Variants in VWA3B observed in about 807,000 individuals in gnomAD.
The protein encoded by VWA3B is von Willebrand factor A domain containing 3B, also known as von Willebrand factor A domain-containing protein 3B.
A neutral mutation model predicts 158.3 loss-of-function variants in VWA3B; 138 were observed. The observed-to-expected ratio is 0.87, with a 90% CI of 0.76 to 1.00. The LOEUF is 1.00. Among genes scored for constraint, VWA3B ranks in the 50% least tolerant of loss-of-function variants. VWA3B has a pLI of 0.00. For missense variants in VWA3B, 1,555 were observed against 1,565.1 expected (o/e 0.99, Z 0.11); for synonymous variants, 596 against 587.3 (o/e 1.01, Z -0.21).
intron 8 of VWA3B, among the ~76,000 whole-genome samples, chr2:98,172,829 G>A (rs144582713): frequency 9.8e-5 from 15 of 152,296 alleles, no homozygotes; most frequent in African/African-American, 7.2e-5. Flanking sequence ...TTGAGAGCCC[G>A]GTAGAGAAAT....
intron 8 of VWA3B, among the ~76,000 whole-genome samples, chr2:98,175,740 A>C (rs1323211242): frequency 6.6e-6 from 1 of 152,190 alleles, no homozygotes; most frequent in African/African-American, 2.4e-5. Flanking sequence ...ATGTAGGATA[A>C]AAGACACCCA....
rs773136778 is a variant in VWA3B, at chr2:98,256,146, C to T, written c.2815C>T (p.Arg939Ter). The T allele has an allele frequency of 9.3e-6, 15 of 1,612,104 alleles. No homozygotes were observed. Among genetic ancestry groups the T allele is most frequent in the African/African-American group, 6.7e-5 (5 of 74,304 alleles). Residue 939 changes from arginine (R) to a stop codon, truncating the protein, a stop_gained, in exon 21 of 28, where the codon CGA becomes TGA. Coordinates refer to ENST00000477737, the MANE Select transcript of VWA3B (RefSeq NM_144992.5). LOFTEE classifies it high-confidence loss of function. ...YEKRLNKIVWRALSQEEKEKL... is the reference protein window; with the variant it reads ...YEKRLNKIVW ...CAGGCGCTTGAATAAAATTGTTTGG[C>T]GAGCATTATCTCAAGAGGAAAAAGA... is the stretch of plus-strand genomic sequence containing the variant.
chr2:98,135,497 G>A (rs536279583), intron 7 of VWA3B, among the ~76,000 whole-genome samples: 6 of 150,128 alleles, frequency 4.0e-5, no homozygotes, highest in Admixed American at 6.6e-5. Flanking sequence ...CACTACGCCC[G>A]GCTAATTTTT....
chr2:98,209,269 GT>G (rs930515874), intron 12 of VWA3B, among the ~76,000 whole-genome samples: 21 of 151,792 alleles, frequency 1.4e-4, no homozygotes, highest in African/African-American at 9.7e-5. Context: ...AACCAAATTT[GT>G]TTTTTTGTTT....
intron 5 of VWA3B, among the ~76,000 whole-genome samples, chr2:98,124,177 CT>C (rs1056116119): frequency 2.0e-5 from 3 of 152,156 alleles, no homozygotes; most frequent in Non-Finnish European, 4.4e-5. Flanking sequence ...CAGATCTTTT[CT>C]TTTTTGTGTC....
intron 20 of VWA3B, among the ~76,000 whole-genome samples, chr2:98,250,980 G>A (rs1323812132): frequency 6.6e-6 from 1 of 152,044 alleles, no homozygotes; most frequent in Non-Finnish European, 1.5e-5. Flanking sequence ...CGTGCCTGTA[G>A]TCCCAGCTAC....
chr2:98,100,254 T>A (rs1166446746), intron 2 of VWA3B, among the ~76,000 whole-genome samples: 3 of 152,220 alleles, frequency 2.0e-5, no homozygotes, highest in African/African-American at 7.2e-5. Context: ...TCTGGGCAAG[T>A]CTTCTGGTGT....
chr2:98,166,512 C>A (rs771807029), intron 8 of VWA3B, among the ~76,000 whole-genome samples: 1 of 152,080 alleles, frequency 6.6e-6, no homozygotes, highest in Non-Finnish European at 1.5e-5. Flanking sequence ...AGAAGGTGGC[C>A]GTCTCCTAGC....
intron 16 of VWA3B, among the ~76,000 whole-genome samples, chr2:98,233,391 ATG>A (rs1178291833): frequency 6.6e-6 from 1 of 152,020 alleles, no homozygotes; most frequent in Non-Finnish European, 1.5e-5. Flanking sequence ...TATAGTTTTT[ATG>A]TTTGGAGACT....
At chr2:98,137,626 G>C (rs1408814196) in intron 7 of VWA3B, among the ~76,000 whole-genome samples, 1 of 151,920 alleles carries the variant, frequency 6.6e-6, no homozygotes, top group African/African-American at 2.4e-5. Flanking sequence ...TTGTTTCTAG[G>C]TTATTAAGTT....
intron 19 of VWA3B, among the ~76,000 whole-genome samples, chr2:98,238,251 A>T (rs565405014): frequency 2.0e-5 from 3 of 152,222 alleles, no homozygotes; most frequent in East Asian, 3.9e-4. Context: ...GTTCCTGGCT[A>T]CTTTGCCTCA....
chr2:98,305,278 T>C (rs1459921925), intron 26 of VWA3B, among the ~76,000 whole-genome samples: 2 of 152,168 alleles, frequency 1.3e-5, no homozygotes, highest in East Asian at 3.9e-4. Flanking sequence ...TGTGTCACAG[T>C]CAGACTCCGA....
At chr2:98,218,607 C>G (rs916567139) in intron 14 of VWA3B, among the ~76,000 whole-genome samples, 2 of 152,238 alleles carry the variant, frequency 1.3e-5, no homozygotes, top group African/African-American at 4.8e-5. Flanking sequence ...TTCTAATAGG[C>G]TAATGGGAGA....
At chr2:98,306,095 A>G (rs893954006) in intron 26 of VWA3B, among the ~76,000 whole-genome samples, 8 of 152,122 alleles carry the variant, frequency 5.3e-5, no homozygotes. Context: ...CACCAGATTA[A>G]GTATTCTCCC....
intron 5 of VWA3B, among the ~76,000 whole-genome samples, chr2:98,123,042 A>G (rs965274792): frequency 1.3e-5 from 2 of 152,174 alleles, no homozygotes; most frequent in African/African-American, 4.8e-5. Flanking sequence ...TTGCATATAA[A>G]AATGCCGTGT....
chr2:98,224,319 C>A (rs531057369), intron 14 of VWA3B, among the ~76,000 whole-genome samples: 36 of 152,222 alleles, frequency 2.4e-4, no homozygotes, highest in African/African-American at 8.4e-4. Flanking sequence ...CTATCCTTTT[C>A]TTCATGAGAT....
At chr2:98,182,114 A>G (rs13428410) in intron 9 of VWA3B, among the ~76,000 whole-genome samples, 23,094 of 152,234 alleles carry the variant, frequency 0.15, 2,560 homozygotes, top group African/African-American at 0.3. Context: ...ATGCAAGCCC[A>G]GGGCAGACAG....
downstream of VWA3B, among the ~76,000 whole-genome samples, chr2:98,316,070 C>T (rs879759873): frequency 2.0e-5 from 3 of 152,154 alleles, no homozygotes; most frequent in Non-Finnish European, 2.9e-5. Flanking sequence ...TCCTGCAGGC[C>T]GCTGGTCACC....
chr2:98,115,687 C>T lies in VWA3B; in HGVS notation c.232C>T (p.Arg78Trp), dbSNP rs371960104. The T allele has an allele frequency of 5.6e-5, 91 of 1,613,676 alleles. No homozygotes were observed. Among genetic ancestry groups the T allele is most frequent in the East Asian group, 1.3e-4 (6 of 44,890 alleles). Residue 78 changes from arginine (R) to tryptophan (W), a missense_variant, in exon 3 of 28, where the codon CGG becomes TGG. Physicochemically the swap from Arg to Trp is moderately radical, Grantham distance 101. Transcript: ENST00000477737. ...GTCTCTGGGGAGACCTGTGGCTTCT[C>T]GGTATGCTGATGGTCTGTTTCCACA... Reference protein sequence around the residue: ...VASLGRPVASRYADGLFPQLY... With the variant: ...VASLGRPVASWYADGLFPQLY...
Sources: allele counts gnomAD v4.1 joint callset (sites outside exome capture counted in the v4.1 genomes callset), GRCh38; gene constraint gnomAD v4.1.1; transcripts MANE v1.5; gene names NCBI Gene and HGNC (gene_info 2026-07-23, HGNC 2026-07-21).